The following INPP4B variants were observed in gnomAD, a reference collection of about 807,000 sequenced individuals.
INPP4B encodes inositol polyphosphate-4-phosphatase type II B, also known as inositol polyphosphate 4-phosphatase type II.
INPP4B carries 55 observed loss-of-function variants against 122.5 expected under a neutral mutation model. That is an observed-to-expected ratio of 0.45 (90% CI 0.36 to 0.56). The LOEUF (loss-of-function observed/expected upper bound fraction) is 0.56. INPP4B is among the 20% of genes least tolerant of loss of function. INPP4B has a pLI of 0.00. For missense variants in INPP4B, 1,000 were observed against 1,097.7 expected (o/e 0.91, Z 1.26); for synonymous variants, 403 against 388.7 (o/e 1.04, Z -0.43).
At chr4:142,134,297 A>G (rs1436247340) in intron 18 of INPP4B, among the ~76,000 whole-genome samples, 1 of 152,192 alleles carries the variant, frequency 6.6e-6, no homozygotes. Context: ...TGGCTTGACA[A>G]AGGCCATGAA....
At chr4:142,417,218 C>G (rs1027078104) in intron 5 of INPP4B, among the ~76,000 whole-genome samples, 19 of 152,116 alleles carry the variant, frequency 1.2e-4, no homozygotes, top group Non-Finnish European at 2.2e-4. Context: ...GAGTAGTTTA[C>G]ACTACTCAAA....
chr4:142,474,056 C>T (rs1436615258), intron 2 of INPP4B, among the ~76,000 whole-genome samples: 10 of 151,638 alleles, frequency 6.6e-5, no homozygotes, highest in Admixed American at 5.9e-4. Context: ...CCCCACCCAC[C>T]CTTACCACTA....
At chr4:142,057,443 G>T (rs940550708) in intron 25 of INPP4B, among the ~76,000 whole-genome samples, 7 of 151,894 alleles carry the variant, frequency 4.6e-5, no homozygotes, top group African/African-American at 1.7e-4. Flanking sequence ...GTTCATTTAT[G>T]ATTAAAAAAA....
intron 25 of INPP4B, among the ~76,000 whole-genome samples, chr4:142,071,422 A>G (rs1767231589): frequency 6.6e-6 from 1 of 152,220 alleles, no homozygotes; most frequent in African/African-American, 2.4e-5. Flanking sequence ...GGACATAGGC[A>G]TGGGCAAGGA....
At position 142,409,329 on chromosome 4, in the gene INPP4B, C is replaced by T. The variant is rs140179855; in HGVS notation, c.137-4005G>A. 7.6e-3 allele frequency among the ~76,000 whole-genome samples: 1,153 copies of T among 152,158 alleles called. 11 individuals are homozygous for T. The highest frequency in any genetic ancestry group is 0.026 in the African/African-American group (1,090 of 41,516). ...CCAACATGGCAAAACCCCATCTCTA[C>T]TAAAAATACAAAAATTAGCTGGCCA... On this transcript the variant is annotated intron_variant, in intron 5 of 25. Transcript: ENST00000262992.
At chr4:142,336,081 T>C (rs949197591) in intron 7 of INPP4B, among the ~76,000 whole-genome samples, 1 of 152,228 alleles carries the variant, frequency 6.6e-6, no homozygotes, top group Non-Finnish European at 1.5e-5. Context: ...CATTGGACTA[T>C]CTGCTTTTGG....
At chr4:142,308,146 G>A (rs1161753863) in intron 8 of INPP4B, among the ~76,000 whole-genome samples, 1 of 152,210 alleles carries the variant, frequency 6.6e-6, no homozygotes, top group African/African-American at 2.4e-5. Context: ...GGGCTGCACT[G>A]TGAGTGCATA....
intron 5 of INPP4B, among the ~76,000 whole-genome samples, chr4:142,424,639 G>A (rs1372522173): frequency 6.6e-6 from 1 of 151,916 alleles, no homozygotes; most frequent in Non-Finnish European, 1.5e-5. Flanking sequence ...GATTTTTAAT[G>A]ACTGATTAAT....
intron 11 of INPP4B, among the ~76,000 whole-genome samples, chr4:142,251,776 T>A (rs572034114): frequency 6.6e-6 from 1 of 152,158 alleles, no homozygotes; most frequent in Non-Finnish European, 1.5e-5. Context: ...CCTTCCCCAT[T>A]CCCTATTGTT....
In INPP4B at chr4:142,845,646, A is replaced by T. The variant is rs11736709; in HGVS notation, c.-254+563T>A. Among the ~76,000 whole-genome samples the T allele has an allele frequency of 5.3e-3, 813 of 152,094 alleles. 4 individuals are homozygous for T. The highest frequency in any genetic ancestry group is 8.8e-3 in the Admixed American group (135 of 15,296). On this transcript the variant is annotated intron_variant, in intron 1 of 25. Transcript: ENST00000262992. ...GATGGGCTCTTTATTTTTAAAACAA[A>T]AAACAAGGCAACCGGGACCACCAAC...
At chr4:142,507,319 A>G (rs1220932885) in intron 2 of INPP4B, among the ~76,000 whole-genome samples, 1 of 152,132 alleles carries the variant, frequency 6.6e-6, no homozygotes, top group Non-Finnish European at 1.5e-5. Context: ...GAATAAATTG[A>G]TTGTTGAAAT....
intron 18 of INPP4B, among the ~76,000 whole-genome samples, chr4:142,135,769 GTTTTTTGTTTGT>G (rs1448611830): frequency 6.6e-6 from 1 of 151,894 alleles, no homozygotes; most frequent in Non-Finnish European, 1.5e-5. Flanking sequence ...CTGTCAGGGT[GTTTTTTGTTTGT>G]TTGTTTGTTT....
intron 2 of INPP4B, among the ~76,000 whole-genome samples, chr4:142,631,176 G>A (rs1159408696): frequency 6.6e-6 from 1 of 152,042 alleles, no homozygotes; most frequent in African/African-American, 2.4e-5. Flanking sequence ...AGATTTTAAA[G>A]TGACTAAGCT....
chr4:142,770,267 A>G (rs1772836347), intron 1 of INPP4B, among the ~76,000 whole-genome samples: 1 of 152,136 alleles, frequency 6.6e-6, no homozygotes, highest in Non-Finnish European at 1.5e-5. Flanking sequence ...AAAGCCATCA[A>G]CCTTGGTCCA....
chr4:142,461,673 A>G (rs979427427), intron 3 of INPP4B, among the ~76,000 whole-genome samples: 2 of 152,360 alleles, frequency 1.3e-5, no homozygotes, highest in Middle Eastern at 3.4e-3. Flanking sequence ...CCCTAAAAGC[A>G]GGCCAGTCTC....
intron 9 of INPP4B, among the ~76,000 whole-genome samples, chr4:142,288,574 C>G (rs1754936649): frequency 6.6e-6 from 1 of 152,062 alleles, no homozygotes; most frequent in Non-Finnish European, 1.5e-5. Flanking sequence ...CAGAGCGAGA[C>G]TCTGTCTCAG....
chr4:142,316,625 C>T (rs1302686107), intron 7 of INPP4B, among the ~76,000 whole-genome samples: 6 of 151,626 alleles, frequency 4.0e-5, no homozygotes, highest in Admixed American at 3.3e-4. Context: ...TAACATTTTC[C>T]AAAGATATAC....
chr4:142,282,083 G>T (rs1751455592), intron 9 of INPP4B, among the ~76,000 whole-genome samples: 1 of 152,080 alleles, frequency 6.6e-6, no homozygotes, highest in Non-Finnish European at 1.5e-5. Flanking sequence ...TATGACAAGT[G>T]CCATGGAGAA....
intron 1 of INPP4B, among the ~76,000 whole-genome samples, chr4:142,845,933 G>A (rs1784142483): frequency 6.6e-6 from 1 of 151,732 alleles, no homozygotes; most frequent in African/African-American, 2.4e-5. Flanking sequence ...CGCGCGCGCC[G>A]GGCAGAGGGG....
Sources: gnomAD v4.1 joint callset for allele counts (sites outside exome capture counted in the v4.1 genomes callset) on GRCh38, gnomAD v4.1.1 for gene constraint, MANE v1.5 for transcripts, NCBI Gene and HGNC (gene_info 2026-07-23, HGNC 2026-07-21) for gene names.